Variants in ATP2B1 observed in about 807,000 individuals in gnomAD.
ATP2B1 encodes ATPase plasma membrane Ca2+ transporting 1.
In ATP2B1, 14 loss-of-function variants were observed where a neutral mutation model predicts 124.2. The observed-to-expected ratio is 0.11, with a 90% CI of 0.07 to 0.18. The LOEUF (loss-of-function observed/expected upper bound fraction) is 0.18. Ranked by LOEUF, ATP2B1 falls within the 10% of genes least tolerant of loss-of-function variation. The pLI is 1.00. For missense variants in ATP2B1, 763 were observed against 1,466.1 expected (o/e 0.52, Z 7.83); for synonymous variants, 449 against 492.4 (o/e 0.91, Z 1.17).
chr12:89,644,835 C>A (rs1054494172), intron 2 of ATP2B1, among the ~76,000 whole-genome samples: 13 of 152,156 alleles, frequency 8.5e-5, no homozygotes, highest in Non-Finnish European at 1.8e-4. Context: ...TTGGCCAAAT[C>A]TTAACATATT....
chr12:89,695,946 T>C (rs1335642383), intron 1 of ATP2B1, among the ~76,000 whole-genome samples: 1 of 152,172 alleles, frequency 6.6e-6, no homozygotes, highest in East Asian at 1.9e-4. Flanking sequence ...CCAAGCACAC[T>C]ACAGTTTCTA....
chr12:89,693,348 T>C (rs1300307725), intron 1 of ATP2B1, among the ~76,000 whole-genome samples: 4 of 152,236 alleles, frequency 2.6e-5, no homozygotes, highest in Admixed American at 2.6e-4. Context: ...ACAGGAGGAA[T>C]GGAGCAGTAT....
chr12:89,652,769 CCT>C (rs1261561603), intron 2 of ATP2B1, among the ~76,000 whole-genome samples: 6 of 152,046 alleles, frequency 3.9e-5, no homozygotes, highest in Non-Finnish European at 7.4e-5. Flanking sequence ...ACAGGGTCTC[CCT>C]CTGTTACCCA....
intron 2 of ATP2B1, among the ~76,000 whole-genome samples, chr12:89,651,136 A>G (rs910915700): frequency 2.6e-5 from 4 of 152,254 alleles, no homozygotes; most frequent in African/African-American, 9.6e-5. Flanking sequence ...GAAGTTTTTA[A>G]TATGAAAATT....
rs143150706 is a variant in ATP2B1, at chr12:89,621,847, A to T, written c.1345-56T>A. 1.8e-4 allele frequency: 256 copies of T among 1,395,016 alleles called. No homozygotes were observed. In the East Asian group the frequency reaches 6.2e-3, roughly 34 times the overall value. The allele number at this position is 1,395,016 out of a possible 1,614,324, so 86.4% of individuals were successfully genotyped here. A position where few individuals can be genotyped will look rare whatever the true frequency, so the allele number is the denominator to read the frequency against. The stretch of plus-strand genomic sequence containing the variant: ...AGCTGCATATAAAACCAATCACCTC[A>T]TTACATTAAAATGATTATAAATTGT... On this transcript the variant is annotated intron_variant, in intron 9 of 20. Coordinates refer to ENST00000428670, the MANE Select transcript of ATP2B1 (RefSeq NM_001366521.1).
chr12:89,631,169 C>G (rs935664551), intron 5 of ATP2B1, among the ~76,000 whole-genome samples: 1 of 152,178 alleles, frequency 6.6e-6, no homozygotes, highest in East Asian at 1.9e-4. Flanking sequence ...GCTCAATCTA[C>G]TACTCACTTA....
At chr12:89,592,915 T>C (rs987373184) in intron 20 of ATP2B1, among the ~76,000 whole-genome samples, 8 of 151,984 alleles carry the variant, frequency 5.3e-5, no homozygotes, top group Admixed American at 1.3e-4. Flanking sequence ...TCCAAGGTGA[T>C]GCTAAAGCTG....
chr12:89,654,646 G>C (rs576311486), intron 2 of ATP2B1, among the ~76,000 whole-genome samples: 12 of 152,028 alleles, frequency 7.9e-5, no homozygotes, highest in African/African-American at 2.9e-4. Flanking sequence ...GGTTACAAAG[G>C]TTTTAAAGAA....
intron 1 of ATP2B1, among the ~76,000 whole-genome samples, chr12:89,696,487 T>G (rs934130341): frequency 7.6e-6 from 1 of 130,734 alleles, no homozygotes; most frequent in African/African-American, 2.8e-5. Context: ...ATGAAAAAAT[T>G]TAATGACATG....
intron 1 of ATP2B1, among the ~76,000 whole-genome samples, chr12:89,676,577 T>C (rs992140549): frequency 2.0e-5 from 3 of 152,086 alleles, no homozygotes; most frequent in Non-Finnish European, 2.9e-5. Flanking sequence ...CACCCAGCTA[T>C]ATTACAATTT....
At chr12:89,593,762 A>G (rs766038656) in intron 20 of ATP2B1, 5 of 151,980 alleles carry the variant, frequency 3.3e-5, no homozygotes, top group African/African-American at 1.2e-4. Context: ...TTCAATTCTG[A>G]GAAGATTTTT....
chr12:89,671,750 G>C (rs1451664276), intron 1 of ATP2B1, among the ~76,000 whole-genome samples: 1 of 147,398 alleles, frequency 6.8e-6, no homozygotes, highest in African/African-American at 2.5e-5. Flanking sequence ...GCCAAGACCT[G>C]AGAGTCTGTT....
chr12:89,602,518 G>A (rs1876056233), intron 18 of ATP2B1, among the ~76,000 whole-genome samples: 1 of 152,172 alleles, frequency 6.6e-6, no homozygotes, highest in African/African-American at 2.4e-5. Context: ...CACTTGTACA[G>A]ATAGATTTCC....
intron 1 of ATP2B1, among the ~76,000 whole-genome samples, chr12:89,672,803 T>C (rs1888156777): frequency 6.6e-6 from 1 of 152,176 alleles, no homozygotes; most frequent in Admixed American, 6.5e-5. Context: ...ACCTGTACCC[T>C]TCATTACCCA....
At chr12:89,693,789 G>A (rs1276163269) in intron 1 of ATP2B1, among the ~76,000 whole-genome samples, 2 of 152,184 alleles carry the variant, frequency 1.3e-5, no homozygotes, top group Admixed American at 6.5e-5. Context: ...CACCTAAAGT[G>A]GAGTAAGGTG....
chr12:89,627,805 C>T (rs562894369), intron 6 of ATP2B1, 89 bp from the exon 7 acceptor site: 3 of 1,360,152 alleles, frequency 2.2e-6, no homozygotes, highest in Non-Finnish European at 3.1e-6. Flanking sequence ...ATTTCTATAA[C>T]AGTTGTTACA....
At chr12:89,678,187 C>T (rs764515102) in intron 1 of ATP2B1, among the ~76,000 whole-genome samples, 1 of 151,858 alleles carries the variant, frequency 6.6e-6, no homozygotes, top group African/African-American at 2.4e-5. Flanking sequence ...GCGTAACATA[C>T]TGCCTTTCTT....
chr12:89,663,884 C>CTGTT (rs34870742), intron 1 of ATP2B1, among the ~76,000 whole-genome samples: 150,034 of 152,208 alleles, frequency 0.99, 73,991 homozygotes, highest in Middle Eastern at 1. Flanking sequence ...TCACTTTCCA[C>CTGTT]TGTCCTTTTT....
intron 2 of ATP2B1, among the ~76,000 whole-genome samples, chr12:89,645,922 C>T (rs967960991): frequency 6.6e-6 from 1 of 152,074 alleles, no homozygotes; most frequent in Non-Finnish European, 1.5e-5. Context: ...AGGAAAAAGA[C>T]CAGTTGGGAG....
Sources: gnomAD v4.1 joint callset for allele counts (sites outside exome capture counted in the v4.1 genomes callset) on GRCh38, gnomAD v4.1.1 for gene constraint, MANE v1.5 for transcripts, NCBI Gene and HGNC (gene_info 2026-07-23, HGNC 2026-07-21) for gene names.